Variants in PACRG observed in about 807,000 individuals in gnomAD.
PACRG encodes the protein parkin coregulated gene protein.
A neutral mutation model predicts 29.7 loss-of-function variants in PACRG; 29 were observed. That is an observed-to-expected ratio of 0.98 (90% CI 0.73 to 1.33). The LOEUF is 1.33. Ranked by LOEUF, PACRG falls within the 40% of genes most tolerant of loss-of-function variation. PACRG has a pLI of 0.00. For synonymous variants in PACRG, 116 were observed against 118.7 expected, an observed-to-expected ratio of 0.98 and a Z score of 0.15; for missense variants, 279 against 316.2, an observed-to-expected ratio of 0.88 and a Z score of 0.89.
intron 2 of PACRG, among the ~76,000 whole-genome samples, chr6:163,016,425 A>G (rs1233703889): frequency 6.6e-6 from 1 of 151,978 alleles, no homozygotes; most frequent in African/African-American, 2.4e-5. Flanking sequence ...GAACAATTCC[A>G]GAGTCAAGAT....
intron 1 of PACRG, among the ~76,000 whole-genome samples, chr6:162,799,901 T>C (rs991784548): frequency 6.6e-6 from 1 of 152,232 alleles, no homozygotes; most frequent in Admixed American, 6.5e-5. Flanking sequence ...AGATATAAAC[T>C]GTTTACCACC....
At chr6:162,905,644 CT>C (rs1316545624) in intron 2 of PACRG, among the ~76,000 whole-genome samples, 2 of 152,166 alleles carry the variant, frequency 1.3e-5, no homozygotes, top group African/African-American at 2.4e-5. Context: ...AAAAAGAACA[CT>C]TTAATGTAAT....
At position 163,293,961 on chromosome 6, in the gene PACRG, G is replaced by A. The variant is rs901851808; in HGVS notation, c.614-20866G>A. On this transcript the variant is annotated intron_variant, in intron 4 of 4. Transcript: ENST00000366888. ...TAGCACTTTAAAGTTTTCTAGTTCC[G>A]ACCTAGATTTTATTTTTGCCAAGAT... Among the ~76,000 whole-genome samples the A allele has an allele frequency of 5.9e-5, 9 of 151,898 alleles. No homozygotes were observed. In the East Asian group the frequency reaches 1.3e-3, roughly 23 times the overall value.
At chr6:163,113,038 TA>T (rs1359921953) in intron 4 of PACRG, among the ~76,000 whole-genome samples, 5 of 151,868 alleles carry the variant, frequency 3.3e-5, no homozygotes, top group African/African-American at 1.2e-4. Flanking sequence ...AAGATACCAA[TA>T]AAAAAATTTA....
At chr6:163,199,197 A>G (rs1441637484) in intron 4 of PACRG, among the ~76,000 whole-genome samples, 1 of 152,176 alleles carries the variant, frequency 6.6e-6, no homozygotes, top group Non-Finnish European at 1.5e-5. Flanking sequence ...ATAGATGAAC[A>G]CCCATGATGT....
intron 1 of PACRG, among the ~76,000 whole-genome samples, chr6:162,736,581 T>C (rs1261421719): frequency 2.0e-5 from 3 of 151,792 alleles, no homozygotes; most frequent in African/African-American, 7.3e-5. Flanking sequence ...GAGAAGGACC[T>C]AGGGGAGTGT....
intron 2 of PACRG, among the ~76,000 whole-genome samples, chr6:162,955,361 G>A (rs1236148859): frequency 6.6e-6 from 1 of 152,094 alleles, no homozygotes; most frequent in African/African-American, 2.4e-5. Context: ...GTGCAGTGGT[G>A]TGGTCTTGGC....
intron 1 of PACRG, among the ~76,000 whole-genome samples, chr6:162,737,288 A>G (rs1340308909): frequency 6.6e-6 from 1 of 152,132 alleles, no homozygotes; most frequent in Non-Finnish European, 1.5e-5. Context: ...GGGGTTGCAA[A>G]CATCTAAGGC....
At chr6:163,104,480 C>A (rs1028534816) in intron 4 of PACRG, among the ~76,000 whole-genome samples, 1 of 152,082 alleles carries the variant, frequency 6.6e-6, no homozygotes, top group Non-Finnish European at 1.5e-5. Context: ...ATTCTGGAGG[C>A]AGGGAAGTCC....
chr6:162,879,248 A>G (rs538008388), intron 2 of PACRG, among the ~76,000 whole-genome samples: 53 of 152,350 alleles, frequency 3.5e-4, no homozygotes, highest in African/African-American at 1.3e-3. Flanking sequence ...TTAACAGTCT[A>G]TAGTTCTCTG....
intron 1 of PACRG, among the ~76,000 whole-genome samples, chr6:162,742,469 T>C (rs539718965): frequency 6.6e-6 from 1 of 152,338 alleles, no homozygotes; most frequent in African/African-American, 2.4e-5. Context: ...GGTATGTCTT[T>C]ATTACCAATA....
chr6:163,245,987 C>T (rs1002123483), intron 4 of PACRG, among the ~76,000 whole-genome samples: 10 of 152,288 alleles, frequency 6.6e-5, no homozygotes, highest in Admixed American at 1.3e-4. Context: ...CACCCCTCAG[C>T]GCCTCCACCT....
intron 4 of PACRG, among the ~76,000 whole-genome samples, chr6:163,250,906 T>TATATATATACAC (rs1026185460): frequency 6.7e-6 from 1 of 149,244 alleles, no homozygotes; most frequent in African/African-American, 2.5e-5. Flanking sequence ...TATATATATA[T>TATATATATACAC]ACACTATGGA....
intron 2 of PACRG, among the ~76,000 whole-genome samples, chr6:162,836,560 A>G (rs755508171): frequency 2.0e-5 from 3 of 152,148 alleles, no homozygotes; most frequent in Non-Finnish European, 4.4e-5. Context: ...CAAAAGTACC[A>G]AAGAGTGGAG....
intron 4 of PACRG, among the ~76,000 whole-genome samples, chr6:163,096,780 G>C (rs1042198548): frequency 3.3e-5 from 5 of 151,980 alleles, no homozygotes; most frequent in African/African-American, 9.7e-5. Flanking sequence ...TTTATGGAGA[G>C]AACCAAATAC....
intron 4 of PACRG, among the ~76,000 whole-genome samples, chr6:163,152,649 T>C (rs906904530): frequency 6.6e-6 from 1 of 152,230 alleles, no homozygotes; most frequent in African/African-American, 2.4e-5. Flanking sequence ...ATTCTATTTC[T>C]TACAAGAGCA....
At chr6:162,935,647 T>C (rs1381233059) in intron 2 of PACRG, among the ~76,000 whole-genome samples, 1 of 152,098 alleles carries the variant, frequency 6.6e-6, no homozygotes, top group Non-Finnish European at 1.5e-5. Context: ...TTTCTTAAGA[T>C]CATTATTTTG....
chr6:163,272,089 A>C (rs1465425898), intron 4 of PACRG, among the ~76,000 whole-genome samples: 1 of 144,698 alleles, frequency 6.9e-6, no homozygotes, highest in African/African-American at 2.6e-5. Flanking sequence ...CCCAGGCTGG[A>C]GTGCAGTGGC....
intron 2 of PACRG, among the ~76,000 whole-genome samples, chr6:162,996,139 C>T (rs1394357586): frequency 6.6e-6 from 1 of 152,000 alleles, no homozygotes; most frequent in Non-Finnish European, 1.5e-5. Context: ...CGTGTGTGTG[C>T]ATGCACACAC....
Sources: allele counts gnomAD v4.1 joint callset (sites outside exome capture counted in the v4.1 genomes callset), GRCh38; gene constraint gnomAD v4.1.1; transcripts MANE v1.5; gene names NCBI Gene and HGNC (gene_info 2026-07-23, HGNC 2026-07-21).